The following ASCC3 variants were observed in gnomAD, a reference collection of about 807,000 sequenced individuals.
ASCC3 encodes the protein ASC-1 complex subunit P200.
A neutral mutation model predicts 256.3 loss-of-function variants in ASCC3; 158 were observed. That is an observed-to-expected ratio of 0.62 (90% CI 0.54 to 0.70). The LOEUF is 0.70. Among genes scored for constraint, ASCC3 ranks in the 30% least tolerant of loss-of-function variants. The pLI, the probability that ASCC3 is intolerant of heterozygous loss-of-function variation, is 0.00. For missense variants in ASCC3, 2,259 were observed against 2,626.0 expected (o/e 0.86, Z 3.05); for synonymous variants, 948 against 883.4 (o/e 1.07, Z -1.30).
chr6:100,770,323 G>C (rs1258280636), intron 8 of ASCC3, among the ~76,000 whole-genome samples: 2 of 151,846 alleles, frequency 1.3e-5, no homozygotes, highest in Non-Finnish European at 2.9e-5. Context: ...CCCTCAACCT[G>C]ATAGAAGGCA....
intron 36 of ASCC3, among the ~76,000 whole-genome samples, chr6:100,560,170 T>A (rs1211249264): frequency 1.3e-5 from 2 of 152,188 alleles, no homozygotes; most frequent in Non-Finnish European, 2.9e-5. Context: ...TTTTAGTTAA[T>A]GTTTGCAAAA....
intron 25 of ASCC3, among the ~76,000 whole-genome samples, chr6:100,635,911 T>C (rs144375714): frequency 1.3e-5 from 2 of 152,258 alleles, no homozygotes; most frequent in Middle Eastern, 3.4e-3. Context: ...CAGAAAAGAT[T>C]TGATTATGAA....
At chr6:100,643,166 C>A (rs891154923) in intron 23 of ASCC3, among the ~76,000 whole-genome samples, 1 of 151,978 alleles carries the variant, frequency 6.6e-6, no homozygotes, top group African/African-American at 2.4e-5. Flanking sequence ...TAGAAGGTAA[C>A]CAAGCAGACA....
intron 8 of ASCC3, among the ~76,000 whole-genome samples, chr6:100,771,256 T>C (rs974190760): frequency 6.6e-6 from 1 of 152,096 alleles, no homozygotes; most frequent in Non-Finnish European, 1.5e-5. Flanking sequence ...AACCATACCT[T>C]GTGTCACATA....
chr6:100,514,098 G>C (rs1453632498), intron 39 of ASCC3, among the ~76,000 whole-genome samples: 4 of 150,950 alleles, frequency 2.6e-5, no homozygotes, highest in Non-Finnish European at 5.9e-5. Flanking sequence ...CTACCCCTTA[G>C]GAATTAAAAA....
intron 25 of ASCC3, among the ~76,000 whole-genome samples, chr6:100,635,849 ATATT>A (rs1173815613): frequency 6.6e-6 from 1 of 152,178 alleles, no homozygotes; most frequent in Non-Finnish European, 1.5e-5. Context: ...AAGCTACTCT[ATATT>A]TAATATGTAT....
intron 33 of ASCC3, 46 bp from the exon 34 acceptor site, chr6:100,601,981 A>G (rs1470160938): frequency 6.3e-7 from 1 of 1,593,172 alleles, no homozygotes; most frequent in Non-Finnish European, 8.6e-7. Context: ...GCATTAAACT[A>G]AAAACACTGA....
intron 37 of ASCC3, among the ~76,000 whole-genome samples, chr6:100,524,648 T>C (rs1237906795): frequency 6.6e-6 from 1 of 152,100 alleles, no homozygotes; most frequent in African/African-American, 2.4e-5. Context: ...AAATCTAAAC[T>C]TCAGTTTAAG....
intron 1 of ASCC3, among the ~76,000 whole-genome samples, chr6:100,870,442 A>C (rs939539432): frequency 1.8e-4 from 28 of 152,144 alleles, no homozygotes; most frequent in Non-Finnish European, 1.5e-5. Context: ...GACACTTTAG[A>C]AGTGTAAAAC....
chr6:100,664,243 T>C (rs1473303001), intron 14 of ASCC3, among the ~76,000 whole-genome samples: 1 of 152,136 alleles, frequency 6.6e-6, no homozygotes, highest in African/African-American at 2.4e-5. Context: ...TTCCCTACAC[T>C]TTTTACTTAA....
chr6:100,530,285 T>C (rs1198911019), intron 37 of ASCC3: 3 of 1,403,862 alleles, frequency 2.1e-6, no homozygotes, highest in Admixed American at 1.7e-5. Context: ...CATGAACAAG[T>C]TGAAATCATC....
At chr6:100,854,488 G>A (rs989861949) in intron 3 of ASCC3, among the ~76,000 whole-genome samples, 2 of 152,034 alleles carry the variant, frequency 1.3e-5, no homozygotes, top group Non-Finnish European at 2.9e-5. Flanking sequence ...CATAAAAACT[G>A]TTGCCTTTGG....
At chr6:100,744,020 T>A (rs1159960944) in intron 10 of ASCC3, among the ~76,000 whole-genome samples, 1 of 152,198 alleles carries the variant, frequency 6.6e-6, no homozygotes, top group Non-Finnish European at 1.5e-5. Flanking sequence ...ATGATTAACA[T>A]ACTGAACTGA....
chr6:100,593,469 C>G (rs1394669045), intron 34 of ASCC3, among the ~76,000 whole-genome samples: 4 of 152,092 alleles, frequency 2.6e-5, no homozygotes, highest in African/African-American at 9.7e-5. Flanking sequence ...TCTCAAGTTA[C>G]TTTTTCAAAT....
chr6:100,802,863 C>G (rs1769987672), intron 5 of ASCC3, among the ~76,000 whole-genome samples: 1 of 151,530 alleles, frequency 6.6e-6, no homozygotes, highest in Admixed American at 6.6e-5. Context: ...TTTTAATTAA[C>G]CAGGCATGGT....
chr6:100,806,886 A>G (rs1337875921), intron 4 of ASCC3, among the ~76,000 whole-genome samples: 2 of 151,948 alleles, frequency 1.3e-5, no homozygotes, highest in Non-Finnish European at 2.9e-5. Flanking sequence ...GTACTATGAT[A>G]GGCATTTTGC....
chr6:100,866,583 G>T (rs57021583), intron 2 of ASCC3, among the ~76,000 whole-genome samples: 3 of 152,138 alleles, frequency 2.0e-5, no homozygotes, highest in African/African-American at 7.2e-5. Flanking sequence ...GCCTTAAAGG[G>T]GGTGATTAAG....
rs140551965 is a variant in ASCC3, at chr6:100,642,711, G to T, written c.3771C>A (p.Ile1257=). The T allele has an allele frequency of 6.2e-7, 1 of 1,613,674 alleles. No individual in the cohort carries two copies. Among genetic ancestry groups the T allele is most frequent in the Admixed American group, 1.7e-5 (1 of 60,010 alleles). The part of the protein sequence containing the change: ...SKEAQLLVFT[I]PIFEPLPSQY... ...GGGAAGGCAAAGGCTCAAAAATAGGGATTGTAAATACCAGTAGTTGGGCTT... is the reference window on the plus strand; with the variant it reads ...GGGAAGGCAAAGGCTCAAAAATAGGTATTGTAAATACCAGTAGTTGGGCTT... The change falls in exon 24 of 42, where the codon ATC becomes ATA. Residue 1257 remains isoleucine (I), a synonymous_variant. Transcript: ENST00000369162.
chr6:100,585,161 A>C (rs1457953598), intron 36 of ASCC3, among the ~76,000 whole-genome samples: 1 of 152,130 alleles, frequency 6.6e-6, no homozygotes, highest in Non-Finnish European at 1.5e-5. Flanking sequence ...CCTGGATAAT[A>C]TCCTGCAGAG....
Sources: allele counts gnomAD v4.1 joint callset (sites outside exome capture counted in the v4.1 genomes callset), GRCh38; gene constraint gnomAD v4.1.1; transcripts MANE v1.5; gene names NCBI Gene and HGNC (gene_info 2026-07-23, HGNC 2026-07-21).